Variants in ALG1 observed in about 807,000 individuals in gnomAD.
The protein encoded by ALG1 is chitobiosyldiphosphodolichol beta-mannosyltransferase.
A neutral mutation model predicts 55.1 loss-of-function variants in ALG1; 58 were observed. The ratio of observed to expected loss-of-function variants is 1.05; its 90% CI spans 0.85 to 1.31. The LOEUF is 1.31. Among genes scored for constraint, ALG1 ranks in the 50% most tolerant of loss-of-function variants. The pLI is 0.00. For synonymous variants in ALG1, 309 were observed against 247.0 expected (o/e 1.25, Z -2.35); for missense variants, 761 against 598.6 (o/e 1.27, Z -2.83).
intron 4 of ALG1, among the ~76,000 whole-genome samples, chr16:5,077,196 G>A (rs1251035111): frequency 2.6e-5 from 4 of 151,874 alleles, no homozygotes; most frequent in East Asian, 1.9e-4. Context: ...TATTTGAGAC[G>A]GAGTCTTGCT....
rs376062732 is a variant in ALG1, at chr16:5,073,043, A to C, written c.286+15A>C. ...GAGTCTTGCAGGTAGGATGCCGTCA[A>C]CTCCAGAATCCTCTGAATCCATGGG... On this transcript the variant is annotated intron_variant, in intron 2 of 12. Transcript: ENST00000262374. 15 of 1,613,448 alleles carry C rather than the reference A, an allele frequency of 9.3e-6. No homozygotes were observed. The African/African-American group carries it at 1.5e-4, about 16-fold the overall frequency.
intron 11 of ALG1, among the ~76,000 whole-genome samples, chr16:5,083,288 G>C (rs1019725721): frequency 5.3e-5 from 8 of 152,210 alleles, no homozygotes; most frequent in African/African-American, 1.4e-4. Context: ...GCTGAGCTCA[G>C]GGAATGTCGG....
intron 12 of ALG1, chr16:5,084,528 C>G: frequency 1.4e-6 from 1 of 732,260 alleles, no homozygotes; most frequent in Non-Finnish European, 2.3e-6. Context: ...TCCAGGGCAC[C>G]AAGTGTGGGA....
At chr16:5,073,427 C>A (rs1487306805) in intron 3 of ALG1, 171 bp downstream of exon 3, 2 of 665,504 alleles carry the variant, frequency 3.0e-6, no homozygotes, top group Admixed American at 4.6e-5. Context: ...TATCCATGCT[C>A]TCTGTGTCAT....
chr16:5,075,717 C>T (rs1390924843), intron 4 of ALG1, among the ~76,000 whole-genome samples, 181 bp downstream of exon 4: 2 of 152,168 alleles, frequency 1.3e-5, no homozygotes, highest in Non-Finnish European at 2.9e-5. Flanking sequence ...CAGCAAAGGA[C>T]CACATTTTTT....
chr16:5,083,792 G>A, intron 12 of ALG1, 35 bp downstream of exon 12: 1 of 1,597,508 alleles, frequency 6.3e-7, no homozygotes, highest in Non-Finnish European at 8.5e-7. Flanking sequence ...GGGTGGGGAG[G>A]GTTCTGGAGA....
chr16:5,073,203 T>TA lies in ALG1; in HGVS notation c.338dup (p.Tyr113Ter). Residue 113 changes from tyrosine to a stop codon, truncating the protein, a stop_gained and frameshift_variant, in exon 3 of 13, where the codon TAC becomes TAAC. Transcript: ENST00000262374. LOFTEE classifies it high-confidence loss of function. ...YGVKVVLQAM[Y>*]LLWKLMWREP... ...AGTCAAAGTTGTACTTCAGGCTATG[T>TA]ACTTGCTGTGGAAGTTGATGTGGAG... The TA allele has an allele frequency of 6.2e-7, 1 of 1,614,240 alleles. No homozygotes were observed. The highest frequency in any genetic ancestry group is 8.5e-7 in the Non-Finnish European group (1 of 1,180,046).
chr16:5,076,993 C>T (rs2142711021), intron 4 of ALG1, among the ~76,000 whole-genome samples: 1 of 152,020 alleles, frequency 6.6e-6, no homozygotes, highest in South Asian at 2.1e-4. Flanking sequence ...CAGGGTTTCA[C>T]CACGTTGGCC....
rs1174709056 is a variant in ALG1 at position 5,086,160 on chromosome 16, A to C, written c.*1279A>C. ...AGACCAGCCTGGCCAACATGGTGAA[A>C]TCCCATCTCTACAAAAATACAGAAA... On this transcript the variant is annotated 3_prime_UTR_variant, in exon 13 of 13. Transcript: ENST00000262374. 6.6e-6 allele frequency among the ~76,000 whole-genome samples: 1 copy of C among 152,130 alleles called. No individual in the cohort carries two copies. The highest frequency in any genetic ancestry group is 2.4e-5 in the African/African-American group (1 of 41,434).
At chr16:5,079,852 G>A in intron 9 of ALG1, 45 bp downstream of exon 9, 1 of 1,588,340 alleles carries the variant, frequency 6.3e-7, no homozygotes. Context: ...GGGGATGGCG[G>A]AGGGGGAGGG....
chr16:5,074,475 G>C (rs144327779), intron 3 of ALG1, among the ~76,000 whole-genome samples: 2 of 152,268 alleles, frequency 1.3e-5, no homozygotes, highest in African/African-American at 4.8e-5. Context: ...AGGCAGCCTT[G>C]AATTCCAATA....
rs1434596508 is a variant in ALG1 at position 5,085,370 on chromosome 16, G to A, written c.*489G>A. On this transcript the variant is annotated 3_prime_UTR_variant, in exon 13 of 13. Transcript: ENST00000262374. ...ATACACACGTTTTTATTTGCACAAA[G>A]AAAATGCTATTTTTGGAGCCAGAAT... 3.7e-6 allele frequency: 2 copies of A among 534,134 alleles called. No homozygotes were observed. Among genetic ancestry groups the A allele is most frequent in the Middle Eastern group, 5.4e-4 (1 of 1,862 alleles). The allele number at this position is 534,134 out of a possible 1,614,324, so 33.1% of individuals were successfully genotyped here. A position where few individuals can be genotyped will look rare whatever the true frequency, so the allele number is the denominator to read the frequency against.
chr16:5,075,688 A>G (rs1048339857), intron 4 of ALG1, 152 bp downstream of exon 4: 1 of 984,544 alleles, frequency 1.0e-6, no homozygotes, highest in Admixed American at 2.0e-5. Context: ...TGCTGGTTCC[A>G]AATGATAGAA....
In ALG1 at chr16:5,084,858, C is replaced by A. The variant is rs1195034128; in HGVS notation, c.1372C>A (p.Leu458Ile). The A allele has an allele frequency of 1.3e-6, 2 of 1,596,238 alleles. No homozygotes were observed. The highest frequency in any genetic ancestry group is 2.2e-5 in the East Asian group (1 of 44,886). Residue 458 changes from leucine (L) to isoleucine (I), a missense_variant, in exon 13 of 13, where the codon CTC becomes ATC. Leu to Ile is a conservative substitution (Grantham distance 5). Transcript: ENST00000262374. ...GGATGAGAGCTGGGTGCAGACTGTGCTCCCTTTGGTTATGGACACATAACT... is the reference window on the plus strand; with the variant it reads ...GGATGAGAGCTGGGTGCAGACTGTGATCCCTTTGGTTATGGACACATAACT... ...RWDESWVQTV[L>I]PLVMDT
chr16:5,075,594 G>A, intron 4 of ALG1, 58 bp downstream of exon 4: 2 of 1,604,788 alleles, frequency 1.2e-6, no homozygotes, highest in Non-Finnish European at 1.7e-6. Flanking sequence ...GGATGAGTGA[G>A]AAGAAGGGCC....
In ALG1 at chr16:5,077,491, A is replaced by C; in HGVS notation, c.586A>C (p.Thr196Pro). The change falls in exon 5 of 13, where the codon ACC becomes CCC. Residue 196 changes from threonine (T) to proline (P), a missense_variant. Physicochemically the swap from Thr to Pro is conservative, Grantham distance 38 (BLOSUM62 -1). Transcript: ENST00000262374. Reference protein sequence around the residue: ...GRLSHLNLCVTNAMREDLADN... With the variant: ...GRLSHLNLCVPNAMREDLADN... ...CCTGTCCCACCTGAACCTGTGTGTT[A>C]CCAATGCTATGCGAGAAGACCTGGC... The C allele has an allele frequency of 6.2e-7, 1 of 1,614,180 alleles. No individual in the cohort carries two copies. Among genetic ancestry groups the C allele is most frequent in the Non-Finnish European group, 8.5e-7 (1 of 1,180,040 alleles).
rs62036244 is a variant in ALG1 at position 5,073,269 on chromosome 16, C to T, written c.390+13C>T. On this transcript the variant is annotated intron_variant, in intron 3 of 12. Coordinates refer to ENST00000262374, the MANE Select transcript of ALG1 (RefSeq NM_019109.5). ...TATCTTTCTCCAGGTGTGTATCAGCCTCTGCCTCCCTCTGTGAGAGCCATG... is the reference window on the plus strand; with the variant it reads ...TATCTTTCTCCAGGTGTGTATCAGCTTCTGCCTCCCTCTGTGAGAGCCATG... 443,422 of 1,609,144 alleles carry T rather than the reference C, an allele frequency of 0.28. 65,092 individuals carry two copies. Among genetic ancestry groups the T allele is most frequent in the Admixed American group, 0.35 (21,020 of 59,952 alleles).
intron 6 of ALG1, chr16:5,078,253 C>G (rs1956950742): frequency 1.4e-6 from 1 of 693,910 alleles, no homozygotes; most frequent in Non-Finnish European, 2.6e-6. Context: ...AACAGAGAAC[C>G]TGTGGCCCGC....
intron 9 of ALG1, among the ~76,000 whole-genome samples, chr16:5,080,137 G>C (rs1390169717): frequency 6.8e-6 from 1 of 147,072 alleles, no homozygotes; most frequent in African/African-American, 2.5e-5. Flanking sequence ...GTGCGATCTC[G>C]GCTCACTGCA....
Sources: gnomAD v4.1 joint callset for allele counts (sites outside exome capture counted in the v4.1 genomes callset) on GRCh38, gnomAD v4.1.1 for gene constraint, MANE v1.5 for transcripts, NCBI Gene and HGNC (gene_info 2026-07-23, HGNC 2026-07-21) for gene names.